The following CAMK2D variants were observed in gnomAD, a reference collection of about 807,000 sequenced individuals.
CAMK2D encodes calcium/calmodulin dependent protein kinase II delta.
In CAMK2D, 37 loss-of-function variants were observed where a neutral mutation model predicts 84.0. The ratio of observed to expected loss-of-function variants is 0.44; its 90% confidence interval spans 0.34 to 0.58. The LOEUF (loss-of-function observed/expected upper bound fraction) is 0.58. Ranked by LOEUF, CAMK2D falls within the 20% of genes least tolerant of loss-of-function variation. The probability of loss-of-function intolerance (pLI) is 0.02; values close to 1 mark genes in which losing one functional copy is unlikely to be tolerated. For synonymous variants in CAMK2D, 202 were observed against 212.5 expected, an observed-to-expected ratio of 0.95 and a Z score of 0.43; for missense variants, 448 against 652.5, an observed-to-expected ratio of 0.69 and a Z score of 3.41.
At chr4:113,562,499 G>C (rs1390464255) in intron 4 of CAMK2D, among the ~76,000 whole-genome samples, 2 of 152,164 alleles carry the variant, frequency 1.3e-5, no homozygotes, top group Admixed American at 1.3e-4. Context: ...ATTTGAGACA[G>C]CTTATCATCT....
At chr4:113,618,623 T>G (rs183478237) in intron 3 of CAMK2D, among the ~76,000 whole-genome samples, 21 of 152,318 alleles carry the variant, frequency 1.4e-4, no homozygotes, top group Admixed American at 1.4e-3. Flanking sequence ...TACTATAATA[T>G]TATATTATCC....
intron 2 of CAMK2D, among the ~76,000 whole-genome samples, chr4:113,664,922 GC>G (rs2099251846): frequency 1.3e-5 from 2 of 151,932 alleles, no homozygotes. Context: ...TCCTGCCTCA[GC>G]CTCCCAAGTA....
chr4:113,551,520 T>C, intron 5 of CAMK2D, among the ~76,000 whole-genome samples: 1 of 152,214 alleles, frequency 6.6e-6, no homozygotes, highest in East Asian at 1.9e-4. Flanking sequence ...AGTAGAACTT[T>C]CTGTGATGAT....
intron 8 of CAMK2D, among the ~76,000 whole-genome samples, chr4:113,527,043 A>G (rs1010771347): frequency 1.3e-5 from 2 of 151,788 alleles, no homozygotes; most frequent in Non-Finnish European, 2.9e-5. Context: ...TCTGTGTCAC[A>G]TTTTGGTGAG....
intron 2 of CAMK2D, among the ~76,000 whole-genome samples, chr4:113,734,950 C>G (rs2148833313): frequency 6.7e-6 from 1 of 148,242 alleles, no homozygotes; most frequent in Non-Finnish European, 1.5e-5. Context: ...AAACATTTTA[C>G]TATCTTACAT....
intron 20 of CAMK2D, among the ~76,000 whole-genome samples, chr4:113,454,951 AAC>A (rs1327956002): frequency 6.6e-6 from 1 of 152,208 alleles, no homozygotes; most frequent in Non-Finnish European, 1.5e-5. Flanking sequence ...AAGTCAATTT[AAC>A]AAGGAATATA....
At chr4:113,625,812 C>T (rs1403008161) in intron 3 of CAMK2D, among the ~76,000 whole-genome samples, 2 of 151,882 alleles carry the variant, frequency 1.3e-5, no homozygotes, top group East Asian at 3.9e-4. Flanking sequence ...AGAACACATC[C>T]GTGACTGACG....
chr4:113,596,912 C>T (rs531273359), intron 4 of CAMK2D, among the ~76,000 whole-genome samples: 3 of 151,856 alleles, frequency 2.0e-5, no homozygotes, highest in African/African-American at 4.8e-5. Flanking sequence ...CTCAGCCTCC[C>T]GGGTTCACGC....
chr4:113,752,118 A>T (rs2099618703), intron 2 of CAMK2D, among the ~76,000 whole-genome samples: 1 of 152,052 alleles, frequency 6.6e-6, no homozygotes. Flanking sequence ...TCGGGGAGAT[A>T]CAAAGGATAG....
intron 2 of CAMK2D, among the ~76,000 whole-genome samples, chr4:113,698,203 T>C (rs575845409): frequency 9.2e-5 from 14 of 152,214 alleles, no homozygotes; most frequent in African/African-American, 2.9e-4. Flanking sequence ...AATAAAATGG[T>C]TGTATGGTTA....
At chr4:113,499,731 T>C (rs1266160354) in intron 16 of CAMK2D, among the ~76,000 whole-genome samples, 2 of 152,194 alleles carry the variant, frequency 1.3e-5, no homozygotes, top group East Asian at 1.9e-4. Context: ...AACTGGTCTA[T>C]AGAGACTGTA....
At chr4:113,523,843 T>C (rs1009640377) in intron 8 of CAMK2D, among the ~76,000 whole-genome samples, 1 of 104,968 alleles carries the variant, frequency 9.5e-6, no homozygotes, top group Admixed American at 9.0e-5. Flanking sequence ...AAACAGATCT[T>C]TTTTTTTGTT....
chr4:113,622,315 G>C (rs1303345401), intron 3 of CAMK2D, among the ~76,000 whole-genome samples: 2 of 152,140 alleles, frequency 1.3e-5, no homozygotes, highest in African/African-American at 4.8e-5. Context: ...AGAGTGAAAA[G>C]AGAGTGATTA....
chr4:113,535,601 C>T (rs959536696), intron 7 of CAMK2D, among the ~76,000 whole-genome samples: 10 of 152,142 alleles, frequency 6.6e-5, no homozygotes, highest in African/African-American at 1.9e-4. Context: ...ACTACTCACT[C>T]GAGTATACTT....
At chr4:113,578,949 TA>T (rs2098796352) in intron 4 of CAMK2D, among the ~76,000 whole-genome samples, 1 of 148,366 alleles carries the variant, frequency 6.7e-6, no homozygotes, top group African/African-American at 2.5e-5. Flanking sequence ...GACAAACAAT[TA>T]AAAAATATGC....
chr4:113,522,022 C>G (rs753025793), intron 8 of CAMK2D, among the ~76,000 whole-genome samples: 11 of 151,672 alleles, frequency 7.3e-5, no homozygotes, highest in Non-Finnish European at 1.3e-4. Context: ...TATATTTGTG[C>G]TTGGGAGATG....
intron 6 of CAMK2D, among the ~76,000 whole-genome samples, chr4:113,539,201 A>G (rs78808975): frequency 0.031 from 4,652 of 152,324 alleles, 246 homozygotes; most frequent in African/African-American, 0.1. Flanking sequence ...TTAAGTTCCA[A>G]CTATTAACTC....
At chr4:113,643,944 C>A (rs890743693) in intron 3 of CAMK2D, among the ~76,000 whole-genome samples, 2 of 152,192 alleles carry the variant, frequency 1.3e-5, no homozygotes, top group Admixed American at 6.5e-5. Context: ...TAAAGTAATT[C>A]TCTTCATGAG....
intron 3 of CAMK2D, among the ~76,000 whole-genome samples, chr4:113,628,159 T>C (rs1192004511): frequency 6.6e-6 from 1 of 152,164 alleles, no homozygotes; most frequent in Non-Finnish European, 1.5e-5. Flanking sequence ...ATCAATCTAC[T>C]TTATAAGTTT....
Sources: allele counts gnomAD v4.1 joint callset (sites outside exome capture counted in the v4.1 genomes callset), GRCh38; gene constraint gnomAD v4.1.1; transcripts MANE v1.5; gene names NCBI Gene and HGNC (gene_info 2026-07-23, HGNC 2026-07-21).